Variants in GABRA2 observed in about 807,000 individuals in gnomAD.
The protein encoded by GABRA2 is gamma-aminobutyric acid type A receptor subunit alpha2, also known as gamma-aminobutyric acid receptor subunit alpha-2.
A neutral mutation model predicts 48.7 loss-of-function variants in GABRA2; 16 were observed. That is an observed-to-expected ratio of 0.33 (90% CI 0.22 to 0.50). GABRA2 has a LOEUF of 0.50. GABRA2 is among the 20% of genes least tolerant of loss of function. The pLI is 0.98. For synonymous variants in GABRA2, 185 were observed against 184.5 expected, an observed-to-expected ratio of 1.00 and a Z score of -0.02; for missense variants, 275 against 535.6, an observed-to-expected ratio of 0.51 and a Z score of 4.80.
intron 8 of GABRA2, among the ~76,000 whole-genome samples, chr4:46,284,195 GATA>G (rs770287763): frequency 6.6e-6 from 1 of 151,754 alleles, no homozygotes; most frequent in Non-Finnish European, 1.5e-5. Flanking sequence ...TAAATATAGA[GATA>G]ATACTATTCA....
chr4:46,327,018 T>C (rs1730506279), intron 4 of GABRA2, among the ~76,000 whole-genome samples: 1 of 152,002 alleles, frequency 6.6e-6, no homozygotes, highest in Non-Finnish European at 1.5e-5. Context: ...TTTAAATCTT[T>C]TCAGTGCTCT....
intron 3 of GABRA2, among the ~76,000 whole-genome samples, chr4:46,337,002 T>C (rs1051508787): frequency 3.9e-5 from 6 of 152,122 alleles, no homozygotes; most frequent in Non-Finnish European, 1.5e-5. Flanking sequence ...TAAAACTTCT[T>C]ATAAAATCTT....
chr4:46,351,012 A>G (rs907450145), intron 3 of GABRA2, among the ~76,000 whole-genome samples: 4 of 151,892 alleles, frequency 2.6e-5, no homozygotes, highest in Non-Finnish European at 5.9e-5. Flanking sequence ...GACCATCCTT[A>G]TATCTATAAT....
intron 8 of GABRA2, among the ~76,000 whole-genome samples, chr4:46,270,645 T>A (rs1023599218): frequency 6.6e-6 from 1 of 152,014 alleles, no homozygotes; most frequent in Non-Finnish European, 1.5e-5. Flanking sequence ...CTCTATAACA[T>A]GTGAAATATA....
intron 8 of GABRA2, among the ~76,000 whole-genome samples, chr4:46,289,292 T>C (rs559053544): frequency 3.9e-5 from 6 of 152,274 alleles, no homozygotes; most frequent in Admixed American, 2.6e-4. Context: ...AGCAAAGACA[T>C]GGAATCAACT....
chr4:46,332,493 A>G, intron 4 of GABRA2, 122 bp downstream of exon 4: 1 of 613,324 alleles, frequency 1.6e-6, no homozygotes, highest in Non-Finnish European at 3.0e-6. Flanking sequence ...CATGTATTTG[A>G]GTAGACTAAA....
In GABRA2 at chr4:46,310,269, T is replaced by C; in HGVS notation, c.477-14A>G. The C allele has an allele frequency of 6.2e-7, 1 of 1,607,202 alleles. No individual in the cohort carries two copies. The highest frequency in any genetic ancestry group is 8.5e-7 in the Non-Finnish European group (1 of 1,174,020). ...TGAACTGTAAGCCTAAAAGTCAAAA[T>C]TTCACTATTTGTTTAAGTATATTGG... On this transcript the variant is annotated splice_polypyrimidine_tract_variant and intron_variant, in intron 5 of 9. Coordinates refer to ENST00000381620, the MANE Select transcript of GABRA2 (RefSeq NM_000807.4).
chr4:46,292,152 T>A (rs1723790453), intron 8 of GABRA2, among the ~76,000 whole-genome samples: 1 of 151,992 alleles, frequency 6.6e-6, no homozygotes, highest in South Asian at 2.1e-4. Flanking sequence ...CCAAGAAACA[T>A]AAAGAAGTTG....
chr4:46,339,281 A>G (rs985030097), intron 3 of GABRA2, among the ~76,000 whole-genome samples: 2 of 152,006 alleles, frequency 1.3e-5, no homozygotes, highest in African/African-American at 4.8e-5. Context: ...TATTTTATCC[A>G]TATGTGGCTA....
At chr4:46,339,755 T>C (rs938567747) in intron 3 of GABRA2, among the ~76,000 whole-genome samples, 14 of 151,978 alleles carry the variant, frequency 9.2e-5, no homozygotes, top group African/African-American at 3.4e-4. Flanking sequence ...TCCTAACTCC[T>C]AACCTAATAA....
intron 8 of GABRA2, 72 bp downstream of exon 8, chr4:46,303,388 A>G: frequency 7.0e-7 from 1 of 1,419,808 alleles, no homozygotes; most frequent in Non-Finnish European, 9.9e-7. Context: ...TTTGAGGATC[A>G]AGAGAGATAA....
intron 3 of GABRA2, among the ~76,000 whole-genome samples, chr4:46,374,284 C>A (rs535722720): frequency 2.6e-5 from 4 of 152,018 alleles, no homozygotes. Context: ...TCTAAAAGTC[C>A]CCCATGACAT....
intron 3 of GABRA2, among the ~76,000 whole-genome samples, chr4:46,354,617 A>T (rs1735673467): frequency 6.6e-6 from 1 of 152,104 alleles, no homozygotes; most frequent in Non-Finnish European, 1.5e-5. Context: ...CCTCCAATTA[A>T]CACAAAAACC....
chr4:46,299,406 AC>A (rs1264799858), intron 8 of GABRA2, among the ~76,000 whole-genome samples: 62 of 151,964 alleles, frequency 4.1e-4, no homozygotes, highest in Admixed American at 7.2e-4. Flanking sequence ...GGTCTGCAAA[AC>A]AGTTTATTAT....
In GABRA2 at chr4:46,249,985, A is replaced by G. The variant is rs1411600032; in HGVS notation, c.*323T>C. ...CTTAAGAGCTAAACCAAAAGGGTCC[A>G]CAAAGGGTTGTACAGGATCCCCATT... On this transcript the variant is annotated 3_prime_UTR_variant, in exon 10 of 10. Coordinates refer to ENST00000381620, the MANE Select transcript of GABRA2 (RefSeq NM_000807.4). 2 of 220,392 alleles carry G rather than the reference A, an allele frequency of 9.1e-6. No homozygotes were observed. The highest frequency in any genetic ancestry group is 1.8e-5 in the Non-Finnish European group (2 of 111,218). The allele number at this position is 220,392 out of a possible 1,614,324, so 13.7% of individuals were successfully genotyped here.
chr4:46,375,475 A>G (rs1280190266), intron 3 of GABRA2, among the ~76,000 whole-genome samples: 2 of 152,134 alleles, frequency 1.3e-5, no homozygotes, highest in East Asian at 3.9e-4. Context: ...TCTAAAGAAG[A>G]TAATTGAGGA....
At chr4:46,360,843 C>G (rs1713060672) in intron 3 of GABRA2, among the ~76,000 whole-genome samples, 1 of 152,152 alleles carries the variant, frequency 6.6e-6, no homozygotes, top group African/African-American at 2.4e-5. Context: ...AGATGAGGAA[C>G]TTGTTGGGAA....
At position 46,244,151 on chromosome 4, in the gene GABRA2, A is replaced by G. The variant is rs1713274555; in HGVS notation, c.*6157T>C. ...TTTAATTCATGAGAATTGTGGCTCA[A>G]TAATTGAGTTTTACTTATGTCTTTC... On this transcript the variant is annotated 3_prime_UTR_variant, in exon 10 of 10. Coordinates refer to ENST00000381620, the MANE Select transcript of GABRA2 (RefSeq NM_000807.4). The G allele has an allele frequency of 6.6e-6, 1 of 151,604 alleles. No individual in the cohort carries two copies. The highest frequency in any genetic ancestry group is 2.4e-5 in the African/African-American group (1 of 41,406). The allele number at this position is 151,604 out of a possible 1,614,324, so 9.4% of individuals were successfully genotyped here.
chr4:46,357,859 C>A (rs1405904035), intron 3 of GABRA2, among the ~76,000 whole-genome samples: 1 of 151,876 alleles, frequency 6.6e-6, no homozygotes. Context: ...CAGAGTTTCA[C>A]CATGTTGGCA....
Sources: gnomAD v4.1 joint callset for allele counts (sites outside exome capture counted in the v4.1 genomes callset) on GRCh38, gnomAD v4.1.1 for gene constraint, MANE v1.5 for transcripts, NCBI Gene and HGNC (gene_info 2026-07-23, HGNC 2026-07-21) for gene names.